Variants in GRIP1 observed in about 807,000 individuals in gnomAD.
The protein encoded by GRIP1 is glutamate receptor interacting protein 1.
GRIP1 carries 45 observed loss-of-function variants against 129.9 expected under a neutral mutation model. The observed-to-expected ratio is 0.35, with a 90% confidence interval of 0.27 to 0.44. The LOEUF (loss-of-function observed/expected upper bound fraction) is 0.44. Among genes scored for constraint, GRIP1 ranks in the 20% least tolerant of loss-of-function variants. The pLI, the probability that GRIP1 is intolerant of heterozygous loss-of-function variation, is 1.00. For missense variants in GRIP1, 1,196 were observed against 1,396.8 expected, an observed-to-expected ratio of 0.86 and a Z score of 2.29; for synonymous variants, 530 against 520.8, an observed-to-expected ratio of 1.02 and a Z score of -0.24.
chr12:66,605,809 A>C (rs1341311219), intron 1 of GRIP1, among the ~76,000 whole-genome samples: 1 of 152,218 alleles, frequency 6.6e-6, no homozygotes, highest in Non-Finnish European at 1.5e-5. Context: ...CACTGCTGAG[A>C]AATTTCTAAA....
chr12:66,799,980 T>C (rs535590164), intron 1 of GRIP1, among the ~76,000 whole-genome samples: 60 of 152,272 alleles, frequency 3.9e-4, no homozygotes, highest in Middle Eastern at 6.8e-3. Flanking sequence ...GATTTGAATA[T>C]CTAAGGCACT....
chr12:67,068,894 A>C (rs1319363590), intron 1 of GRIP1, among the ~76,000 whole-genome samples: 19 of 106,132 alleles, frequency 1.8e-4, no homozygotes, highest in African/African-American at 7.0e-4. Flanking sequence ...CAGAGTTCGC[A>C]AGACGCCACC....
intron 14 of GRIP1, among the ~76,000 whole-genome samples, chr12:66,422,403 A>G (rs1188845098): frequency 1.3e-5 from 2 of 152,216 alleles, no homozygotes; most frequent in Non-Finnish European, 2.9e-5. Flanking sequence ...ATAAGCATCC[A>G]GGATTTCTAG....
chr12:66,384,711 G>A (rs2056275233), intron 19 of GRIP1, among the ~76,000 whole-genome samples: 1 of 152,148 alleles, frequency 6.6e-6, no homozygotes, highest in Non-Finnish European at 1.5e-5. Context: ...ATTTCATCAG[G>A]CCTGAAACAA....
chr12:66,544,873 G>A (rs752954951), intron 2 of GRIP1, among the ~76,000 whole-genome samples: 8 of 152,212 alleles, frequency 5.3e-5, no homozygotes, highest in South Asian at 2.1e-4. Context: ...GTGATCTAAC[G>A]AAGACAGAAG....
At chr12:66,687,014 T>C (rs1421445716) in intron 1 of GRIP1, among the ~76,000 whole-genome samples, 2 of 152,154 alleles carry the variant, frequency 1.3e-5, no homozygotes, top group African/African-American at 4.8e-5. Context: ...TGAACCATGA[T>C]TGTGCCACTG....
intron 1 of GRIP1, among the ~76,000 whole-genome samples, chr12:66,880,865 T>C (rs1376058320): frequency 6.6e-6 from 1 of 152,188 alleles, no homozygotes; most frequent in Admixed American, 6.5e-5. Flanking sequence ...GTTCATTTAA[T>C]CTGTGTTCCC....
intron 1 of GRIP1, among the ~76,000 whole-genome samples, chr12:66,922,477 T>C (rs963981039): frequency 6.6e-6 from 1 of 152,240 alleles, no homozygotes. Flanking sequence ...AAATGTTGGA[T>C]GTACAACAGA....
chr12:66,655,193 GGTT>G (rs1417285672), intron 1 of GRIP1, among the ~76,000 whole-genome samples: 2 of 152,100 alleles, frequency 1.3e-5, no homozygotes, highest in Non-Finnish European at 2.9e-5. Flanking sequence ...CCCAAATGGG[GGTT>G]GTTATCCTCC....
intron 23 of GRIP1, among the ~76,000 whole-genome samples, chr12:66,355,964 C>T (rs1162375587): frequency 6.6e-6 from 1 of 152,142 alleles, no homozygotes; most frequent in Non-Finnish European, 1.5e-5. Flanking sequence ...TCCCCCTCAC[C>T]CCTCACCCAA....
intron 15 of GRIP1, among the ~76,000 whole-genome samples, chr12:66,412,244 C>T (rs761025792): frequency 4.5e-4 from 69 of 152,136 alleles, no homozygotes; most frequent in African/African-American, 1.1e-3. Context: ...AAAGCCAGGA[C>T]GCCTACAAAG....
At chr12:66,611,187 C>G (rs2064778413) in intron 1 of GRIP1, among the ~76,000 whole-genome samples, 1 of 152,064 alleles carries the variant, frequency 6.6e-6, no homozygotes, top group Non-Finnish European at 1.5e-5. Context: ...TTTATGTAAA[C>G]AGAGATCATA....
chr12:66,614,720 G>T lies in GRIP1; in HGVS notation c.56-17793C>A, dbSNP rs530093796. Among the ~76,000 whole-genome samples the T allele has an allele frequency of 2.0e-5, 3 of 152,176 alleles. No homozygotes were observed. The South Asian group carries it at 6.2e-4, about 32-fold the overall frequency. On this transcript the variant is annotated intron_variant, in intron 1 of 24. Transcript: ENST00000359742. ...AATAATATCCAGATACCTGACCATG[G>T]TCTACAAGGCCGTCTGTAATCCGAC...
At chr12:66,768,647 G>A (rs1213763455) in intron 1 of GRIP1, among the ~76,000 whole-genome samples, 1 of 152,210 alleles carries the variant, frequency 6.6e-6, no homozygotes, top group Non-Finnish European at 1.5e-5. Flanking sequence ...ACAGGTCATA[G>A]TGTAAGGATA....
intron 7 of GRIP1, among the ~76,000 whole-genome samples, chr12:66,484,496 T>C (rs748064141): frequency 2.0e-5 from 3 of 152,162 alleles, no homozygotes; most frequent in Non-Finnish European, 4.4e-5. Flanking sequence ...TATTCAACCA[T>C]GAAAAAGAAT....
upstream of GRIP1, among the ~76,000 whole-genome samples, chr12:66,807,416 G>A (rs1472395251): frequency 6.6e-6 from 1 of 152,086 alleles, no homozygotes; most frequent in African/African-American, 2.4e-5. Flanking sequence ...GCTCACGCCT[G>A]TAATCTCTGC....
At chr12:66,913,649 C>G (rs534837974) in intron 1 of GRIP1, among the ~76,000 whole-genome samples, 25 of 152,208 alleles carry the variant, frequency 1.6e-4, no homozygotes, top group African/African-American at 6.0e-4. Context: ...TATTAAGCTG[C>G]TCTTTAAAAT....
At chr12:66,742,667 C>T (rs1310854820) in intron 1 of GRIP1, among the ~76,000 whole-genome samples, 1 of 151,822 alleles carries the variant, frequency 6.6e-6, no homozygotes, top group Non-Finnish European at 1.5e-5. Flanking sequence ...AAAGTTGTTT[C>T]AAGTGAGAGA....
rs2041509603 is a variant in GRIP1 at position 66,937,699 on chromosome 12, A to G, written c.58+131351T>C. On this transcript the variant is annotated intron_variant, in intron 1 of 1. Coordinates refer to the GRIP1 transcript ENST00000643019. ...GAGATGATATTATGGTGATAGGTAA[A>G]GTGGAGATGTGATAAGACATTGAGA... Among the ~76,000 whole-genome samples the G allele has an allele frequency of 2.0e-5, 3 of 152,188 alleles. No homozygotes were observed. The South Asian group carries it at 6.2e-4, about 31-fold the overall frequency.
Sources: gnomAD v4.1 joint callset for allele counts (sites outside exome capture counted in the v4.1 genomes callset) on GRCh38, gnomAD v4.1.1 for gene constraint, MANE v1.5 for transcripts, NCBI Gene and HGNC (gene_info 2026-07-23, HGNC 2026-07-21) for gene names.